VSIG10: variants seen among roughly 807,000 people sequenced by gnomAD.
VSIG10 encodes the protein V-set and immunoglobulin domain containing 10.
VSIG10 carries 48 observed loss-of-function variants against 58.7 expected under a neutral mutation model. The observed-to-expected ratio is 0.82, with a 90% CI of 0.65 to 1.04. The LOEUF (loss-of-function observed/expected upper bound fraction) is 1.04, where lower values mean the gene tolerates loss of function less well. Among genes scored for constraint, VSIG10 ranks in the 50% least tolerant of loss-of-function variants. The pLI, the probability that VSIG10 is intolerant of heterozygous loss-of-function variation, is 0.00. For missense variants in VSIG10, 628 were observed against 670.0 expected (o/e 0.94, Z 0.69); for synonymous variants, 260 against 267.1 (o/e 0.97, Z 0.26).
Position 118,095,791 on chromosome 12 carries a change from C to T in VSIG10, c.103G>A (p.Glu35Lys). ...TGCAGAGTAACATTCTCATGAACTT[C>T]TCCAATGACAACAGCCTCCAATCCT... ...AVGLEAVVIG[E>K]VHENVTLHCG... is the part of the protein sequence containing the mutation. Residue 35 changes from glutamate to lysine, a missense_variant, in exon 2 of 9, where the codon GAA becomes AAA. By Grantham distance (56) the Glu-to-Lys change is moderately conservative. Coordinates refer to ENST00000359236, the MANE Select transcript of VSIG10 (RefSeq NM_019086.6). 1.2e-6 allele frequency: 2 copies of T among 1,611,064 alleles called. No individual in the cohort carries two copies. The highest frequency in any genetic ancestry group is 1.7e-6 in the Non-Finnish European group (2 of 1,178,708).
At position 118,065,344 on chromosome 12, in the gene VSIG10, G is replaced by T. The variant is rs1355622874; in HGVS notation, c.*1295C>A. The stretch of plus-strand genomic sequence containing the variant: ...ATAGGAAAGTCTGCAAGCTAACAGT[G>T]TATCACCTAGGAGGCTTGTATATAA... On this transcript the variant is annotated 3_prime_UTR_variant, in exon 9 of 9. Transcript: ENST00000359236. 6.6e-6 allele frequency: 1 copy of T among 152,228 alleles called. No homozygotes were observed. The highest frequency in any genetic ancestry group is 2.4e-5 in the African/African-American group (1 of 41,462). 9.4% of individuals were successfully genotyped at this position (152,228 alleles called of 1,614,324 possible). A position where few individuals can be genotyped will look rare whatever the true frequency, so the allele number is the denominator to read the frequency against.
intron 2 of VSIG10, among the ~76,000 whole-genome samples, chr12:118,090,197 C>T (rs902347801): frequency 2.0e-5 from 3 of 152,028 alleles, no homozygotes; most frequent in Non-Finnish European, 2.9e-5. Context: ...GCCAGCTACC[C>T]GGGAGGCTGA....
intron 8 of VSIG10, among the ~76,000 whole-genome samples, 161 bp downstream of exon 8, chr12:118,068,206 TTTTTTTTTCG>T (rs1351163214): frequency 6.8e-6 from 1 of 147,364 alleles, no homozygotes; most frequent in African/African-American, 2.5e-5. Flanking sequence ...TTTTTTTTTT[TTTTTTTTTCG>T]TAGAGACAGA....
At chr12:118,077,331 G>A (rs1377893682) in intron 4 of VSIG10, among the ~76,000 whole-genome samples, 1 of 151,968 alleles carries the variant, frequency 6.6e-6, no homozygotes, top group South Asian at 2.1e-4. Flanking sequence ...ACCATCTCAC[G>A]GAGACCTCCC....
Position 118,068,442 on chromosome 12 carries a change from T to C in VSIG10, c.1502A>G (p.His501Arg). Residue 501 changes from histidine to arginine, a missense_variant, in exon 8 of 9, where the codon CAC becomes CGC. His to Arg is a conservative substitution (Grantham distance 29). Transcript: ENST00000359236. ...PKEIPKQDHI[H>R]RVTALVNGNI... ...CCCATTCACCAAGGCGGTCACTCTG[T>C]GAATGTGGTCCTGCTTAGGTATTTC... 6.2e-7 allele frequency: 1 copy of C among 1,613,902 alleles called. No homozygotes were observed. Among genetic ancestry groups the C allele is most frequent in the Non-Finnish European group, 8.5e-7 (1 of 1,179,890 alleles).
Position 118,066,041 on chromosome 12 carries a change from G to C in VSIG10, c.*598C>G, listed in dbSNP as rs2032234982. The C allele has an allele frequency of 6.5e-6, 1 of 153,202 alleles. No individual in the cohort carries two copies. The highest frequency in any genetic ancestry group is 1.5e-5 in the Non-Finnish European group (1 of 68,840). 9.5% of individuals were successfully genotyped at this position (153,202 alleles called of 1,614,324 possible). A position where few individuals can be genotyped will look rare whatever the true frequency, so the allele number is the denominator to read the frequency against. ...CAACAGAGCCCAGATTCAACTTCAG[G>C]TGTTTCTAACTCCAAAGCCTGAACC... On this transcript the variant is annotated 3_prime_UTR_variant, in exon 9 of 9. Coordinates refer to ENST00000359236, the MANE Select transcript of VSIG10 (RefSeq NM_019086.6).
At chr12:118,067,555 C>T (rs1050270785) in intron 8 of VSIG10, among the ~76,000 whole-genome samples, 16 of 151,738 alleles carry the variant, frequency 1.1e-4, no homozygotes, top group African/African-American at 3.9e-4. Flanking sequence ...CCTCCGTCTC[C>T]CGGGTTCAAG....
At chr12:118,071,094 A>G (rs1435414267) in intron 6 of VSIG10, 27 bp from the exon 7 acceptor site, 1 of 1,586,222 alleles carries the variant, frequency 6.3e-7, no homozygotes, top group Non-Finnish European at 8.6e-7. Flanking sequence ...AAAACCATTA[A>G]TATCCAGTAA....
chr12:118,082,577 GC>G lies in VSIG10; in HGVS notation c.362-149del, dbSNP rs1345309223. On this transcript the variant is annotated intron_variant, in intron 2 of 8. Transcript: ENST00000359236. ...CTAGGTGACAAATGCTATGCCAAGT[GC>G]CCTGATACATTATTTCATTTAATCC... 6.2e-6 allele frequency: 5 copies of G among 804,778 alleles called. No individual in the cohort carries two copies. In the Admixed American group the frequency reaches 8.8e-5, roughly 14 times the overall value. The allele number at this position is 804,778 out of a possible 1,614,324, so 49.9% of individuals were successfully genotyped here.
In VSIG10 at chr12:118,079,372, G is replaced by A. The variant is rs751715997; in HGVS notation, c.899C>T (p.Ser300Leu). ...CVTSHIVGPE[S>L]GASCMVQIRG... Reference sequence around the variant, plus strand: ...GATCTGCACCATGCAGCTGGCGCCCGACTCTGGCCCAACTATGTGGCTTGT... The same window carrying A: ...GATCTGCACCATGCAGCTGGCGCCCAACTCTGGCCCAACTATGTGGCTTGT... The change falls in exon 4 of 9, where the codon TCG becomes TTG. Residue 300 changes from serine to leucine, a missense_variant. By Grantham distance (145) the Ser-to-Leu change is moderately radical. Coordinates refer to ENST00000359236, the MANE Select transcript of VSIG10 (RefSeq NM_019086.6). The A allele has an allele frequency of 9.3e-6, 15 of 1,613,836 alleles. No homozygotes were observed. The highest frequency in any genetic ancestry group is 5.3e-5 in the African/African-American group (4 of 74,908).
At chr12:118,067,902 T>C (rs1186966765) in intron 8 of VSIG10, among the ~76,000 whole-genome samples, 3 of 152,064 alleles carry the variant, frequency 2.0e-5, no homozygotes, top group South Asian at 2.1e-4. Flanking sequence ...TGGTAGTTGA[T>C]AGTAGTCTCA....
rs748680926 is a variant in VSIG10, at chr12:118,091,742, T to TTTA, written c.361+3788_361+3790dup. 1.6e-3 allele frequency among the ~76,000 whole-genome samples: 248 copies of TTTA among 151,954 alleles called. 2 individuals carry two copies. The highest frequency in any genetic ancestry group is 2.8e-3 in the Non-Finnish European group (188 of 67,936). ...AGTGATCACATGGGTATTTCCCTAT[T>TTTA]TTATTATTATTATTATTATCATTTC... is the stretch of plus-strand genomic sequence containing the variant. On this transcript the variant is annotated intron_variant, in intron 2 of 8. Coordinates refer to ENST00000359236, the MANE Select transcript of VSIG10 (RefSeq NM_019086.6).
chr12:118,077,552 T>C (rs1394618189), intron 4 of VSIG10, among the ~76,000 whole-genome samples: 1 of 152,194 alleles, frequency 6.6e-6, no homozygotes, highest in Non-Finnish European at 1.5e-5. Context: ...CTGACACTCC[T>C]CCCTTCAAAA....
intron 2 of VSIG10, among the ~76,000 whole-genome samples, chr12:118,088,422 C>T (rs1347113044): frequency 6.6e-6 from 1 of 151,952 alleles, no homozygotes; most frequent in Non-Finnish European, 1.5e-5. Flanking sequence ...CCACCGTTAC[C>T]CTCAATTTCA....
At chr12:118,093,865 C>T (rs1001113095) in intron 2 of VSIG10, among the ~76,000 whole-genome samples, 1 of 152,162 alleles carries the variant, frequency 6.6e-6, no homozygotes, top group African/African-American at 2.4e-5. Flanking sequence ...GCCGAGATTG[C>T]ATCACTGCAC....
intron 8 of VSIG10, 132 bp from the exon 9 acceptor site, chr12:118,066,826 T>TTCTCA: frequency 1.0e-6 from 1 of 964,644 alleles, no homozygotes; most frequent in Non-Finnish European, 1.5e-6. Context: ...ATGGAGAAGG[T>TTCTCA]AGGGCAGCGT....
At chr12:118,079,723 T>C in intron 3 of VSIG10, 117 bp from the exon 4 acceptor site, 3 of 1,337,590 alleles carry the variant, frequency 2.2e-6, no homozygotes, top group Non-Finnish European at 3.1e-6. Flanking sequence ...CAGTTAGTGT[T>C]AGCATCTAAT....
At chr12:118,085,186 C>T (rs2033085164) in intron 2 of VSIG10, among the ~76,000 whole-genome samples, 1 of 152,190 alleles carries the variant, frequency 6.6e-6, no homozygotes, top group South Asian at 2.1e-4. Context: ...GCGACACCAC[C>T]ACCAACACAG....
In VSIG10 at chr12:118,075,738, G is replaced by A. The variant is rs117608723; in HGVS notation, c.926-1746C>T. Reference sequence around the variant, plus strand: ...AGGCATTTACTGTGGGCAAGGCACTGTTACATGTATTAACCCAATTCACTC... The same window carrying A: ...AGGCATTTACTGTGGGCAAGGCACTATTACATGTATTAACCCAATTCACTC... On this transcript the variant is annotated intron_variant, in intron 4 of 8. Transcript: ENST00000359236. Among the ~76,000 whole-genome samples, 1,245 of 152,096 alleles carry A rather than the reference G, an allele frequency of 8.2e-3. 13 individuals are homozygous for A. The highest frequency in any genetic ancestry group is 0.021 in the Middle Eastern group (6 of 292).
Sources: gnomAD v4.1 joint callset for allele counts (sites outside exome capture counted in the v4.1 genomes callset) on GRCh38, gnomAD v4.1.1 for gene constraint, MANE v1.5 for transcripts, NCBI Gene and HGNC (gene_info 2026-07-23, HGNC 2026-07-21) for gene names.